Variants in OTUD7A observed in about 807,000 individuals in gnomAD.
The protein encoded by OTUD7A is OTU deubiquitinase 7A.
Under a neutral mutation model 65.7 loss-of-function variants are expected in OTUD7A, and 12 were observed. The ratio of observed to expected loss-of-function variants is 0.18; its 90% CI spans 0.12 to 0.30. The LOEUF is 0.30. OTUD7A is among the 10% of genes least tolerant of loss of function. The pLI is 1.00. For missense variants in OTUD7A, 1,148 were observed against 1,304.8 expected (o/e 0.88, Z 1.85); for synonymous variants, 641 against 586.3 (o/e 1.09, Z -1.35).
chr15:31,737,785 G>C (rs113633943), intron 1 of OTUD7A, among the ~76,000 whole-genome samples: 4 of 152,176 alleles, frequency 2.6e-5, no homozygotes, highest in African/African-American at 9.7e-5. Flanking sequence ...CACAGCATTC[G>C]AGAAAGAAAT....
At chr15:31,621,695 C>T (rs1203357836) in intron 3 of OTUD7A, among the ~76,000 whole-genome samples, 2 of 152,008 alleles carry the variant, frequency 1.3e-5, no homozygotes, top group African/African-American at 4.8e-5. Context: ...ATACAGCACA[C>T]TGATGTCTCT....
At chr15:31,812,383 TG>T (rs1391022640) in intron 1 of OTUD7A, among the ~76,000 whole-genome samples, 1 of 152,160 alleles carries the variant, frequency 6.6e-6, no homozygotes, top group Non-Finnish European at 1.5e-5. Context: ...TGAGGTAATT[TG>T]AATGTGAAAA....
intron 3 of OTUD7A, among the ~76,000 whole-genome samples, chr15:31,608,569 C>T (rs1163114143): frequency 6.6e-6 from 1 of 152,156 alleles, no homozygotes; most frequent in Non-Finnish European, 1.5e-5. Context: ...CTCAACTTGC[C>T]ATGGAGTTAT....
At chr15:31,565,006 G>T (rs1181201883) in intron 4 of OTUD7A, among the ~76,000 whole-genome samples, 1 of 152,088 alleles carries the variant, frequency 6.6e-6, no homozygotes, top group Non-Finnish European at 1.5e-5. Flanking sequence ...AAAAAATTAT[G>T]AATATACATA....
At chr15:31,623,340 T>C (rs1031253851) in intron 3 of OTUD7A, among the ~76,000 whole-genome samples, 1 of 152,184 alleles carries the variant, frequency 6.6e-6, no homozygotes, top group African/African-American at 2.4e-5. Context: ...TGCCTTTTGT[T>C]CAGCTATGCC....
chr15:31,599,245 C>A (rs1890002760), intron 3 of OTUD7A, among the ~76,000 whole-genome samples: 1 of 152,224 alleles, frequency 6.6e-6, no homozygotes, highest in Admixed American at 6.5e-5. Context: ...ACAGACACCT[C>A]ATACAGGAGA....
intron 1 of OTUD7A, among the ~76,000 whole-genome samples, chr15:31,802,273 C>T (rs1896154074): frequency 6.6e-6 from 1 of 151,978 alleles, no homozygotes; most frequent in African/African-American, 2.4e-5. Flanking sequence ...ACTTGGGAGT[C>T]CAGTGGTCGA....
rs183828466 is a variant in OTUD7A, at chr15:31,779,400, C to T, written c.-100+91107G>A. ...TGCTTTTTATCCACATTTTTAGAGG[C>T]TACAGGAGACACCTCTGTTTCTCAC... On this transcript the variant is annotated intron_variant, in intron 1 of 12. Coordinates refer to ENST00000307050, the MANE Select transcript of OTUD7A (RefSeq NM_001382637.1). Among the ~76,000 whole-genome samples the T allele has an allele frequency of 3.1e-4, 47 of 152,324 alleles. No homozygotes were observed. The Middle Eastern group carries it at 0.01, about 33-fold the overall frequency.
Position 31,481,266 on chromosome 15 carries a change from A to G in OTUD7A, c.*2028T>C, listed in dbSNP as rs1024689758. On this transcript the variant is annotated 3_prime_UTR_variant, in exon 13 of 13. Coordinates refer to ENST00000307050, the MANE Select transcript of OTUD7A (RefSeq NM_001382637.1). ...TGAATGGATTATTGGAGCATTTTTAAGGTTGGGTGTCTCAATCTTTTAAGA... is the reference window on the plus strand; with the variant it reads ...TGAATGGATTATTGGAGCATTTTTAGGGTTGGGTGTCTCAATCTTTTAAGA... 1 of 152,164 alleles carries G rather than the reference A, an allele frequency of 6.6e-6. No homozygotes were observed. The highest frequency in any genetic ancestry group is 1.9e-4 in the East Asian group (1 of 5,200). The allele number at this position is 152,164 out of a possible 1,614,324, so 9.4% of individuals were successfully genotyped here.
chr15:31,696,490 G>A (rs1038734669), intron 1 of OTUD7A, among the ~76,000 whole-genome samples: 23 of 123,872 alleles, frequency 1.9e-4, no homozygotes, highest in African/African-American at 6.4e-4. Context: ...CCCGGGCCCC[G>A]TGTCCTCCAT....
At chr15:31,583,837 C>T (rs780965812) in intron 3 of OTUD7A, among the ~76,000 whole-genome samples, 38 of 152,084 alleles carry the variant, frequency 2.5e-4, no homozygotes, top group Admixed American at 1.4e-3. Flanking sequence ...CTGAACCTCC[C>T]GTAGTTAGCA....
chr15:31,509,143 T>TA (rs1234333362), intron 8 of OTUD7A, among the ~76,000 whole-genome samples: 1 of 152,146 alleles, frequency 6.6e-6, no homozygotes, highest in East Asian at 1.9e-4. Context: ...TAATTTTTCT[T>TA]AAAGAGCAGG....
At chr15:31,623,883 G>A (rs1351721803) in intron 3 of OTUD7A, among the ~76,000 whole-genome samples, 1 of 152,174 alleles carries the variant, frequency 6.6e-6, no homozygotes, top group Non-Finnish European at 1.5e-5. Context: ...GACTGGAGCT[G>A]TTCCTATTCG....
intron 1 of OTUD7A, among the ~76,000 whole-genome samples, chr15:31,741,908 G>T (rs1375654670): frequency 1.3e-5 from 2 of 151,930 alleles, no homozygotes; most frequent in Admixed American, 6.5e-5. Flanking sequence ...CTTATGAAAA[G>T]AATAATAATA....
chr15:31,822,451 C>T lies in OTUD7A; in HGVS notation c.-100+48056G>A, dbSNP rs543440149. 7.9e-5 allele frequency among the ~76,000 whole-genome samples: 12 copies of T among 152,300 alleles called. No homozygotes were observed. The East Asian group carries it at 1.9e-3, about 24-fold the overall frequency. On this transcript the variant is annotated intron_variant, in intron 1 of 12. Coordinates refer to ENST00000307050, the MANE Select transcript of OTUD7A (RefSeq NM_001382637.1). ...GCAACAAAGAAAACAAGAAATTCGACCAGCGTACCTAGTTTACAGATGAGA... is the reference window on the plus strand; with the variant it reads ...GCAACAAAGAAAACAAGAAATTCGATCAGCGTACCTAGTTTACAGATGAGA...
chr15:31,634,460 T>C (rs908468086), intron 3 of OTUD7A, among the ~76,000 whole-genome samples: 7 of 152,184 alleles, frequency 4.6e-5, no homozygotes, highest in Admixed American at 6.5e-5. Context: ...ACAGCATACA[T>C]GTCCCTGCCA....
chr15:31,822,375 G>A lies in OTUD7A; in HGVS notation c.-100+48132C>T, dbSNP rs138443561. ...GGAACCCTTGGGCATCACGGACCCCGCACCCTAGCTCCCTCCAGTTTCTGT... is the reference window on the plus strand; with the variant it reads ...GGAACCCTTGGGCATCACGGACCCCACACCCTAGCTCCCTCCAGTTTCTGT... On this transcript the variant is annotated intron_variant, in intron 1 of 12. Transcript: ENST00000307050. Among the ~76,000 whole-genome samples the A allele has an allele frequency of 2.6e-4, 39 of 152,262 alleles. No homozygotes were observed. In the East Asian group the frequency reaches 2.9e-3, roughly 11 times the overall value.
At chr15:31,727,792 T>C (rs1457375963) in intron 1 of OTUD7A, among the ~76,000 whole-genome samples, 2 of 152,204 alleles carry the variant, frequency 1.3e-5, no homozygotes, top group Non-Finnish European at 1.5e-5. Context: ...CCTCTGTTGC[T>C]GCAATAACAC....
chr15:31,685,792 C>T (rs939948798), intron 1 of OTUD7A, among the ~76,000 whole-genome samples: 6 of 152,310 alleles, frequency 3.9e-5, no homozygotes, highest in South Asian at 2.1e-4. Flanking sequence ...AGCTTTTGCA[C>T]GCTCTAGGAG....
Sources: gnomAD v4.1 joint callset for allele counts (sites outside exome capture counted in the v4.1 genomes callset) on GRCh38, gnomAD v4.1.1 for gene constraint, MANE v1.5 for transcripts, NCBI Gene and HGNC (gene_info 2026-07-23, HGNC 2026-07-21) for gene names.